Variants in EYS observed in about 807,000 individuals in gnomAD.
The protein encoded by EYS is EGF-like photoreceptor maintenance factor, also known as protein eyes shut homolog.
EYS carries 250 observed loss-of-function variants against 282.1 expected under a neutral mutation model. That is an observed-to-expected ratio of 0.89 (90% CI 0.80 to 0.98). EYS has a LOEUF of 0.98. EYS is among the 50% of genes least tolerant of loss of function. EYS has a pLI of 0.00. For synonymous variants in EYS, 1,355 were observed against 1,282.9 expected (o/e 1.06, Z -1.20); for missense variants, 4,016 against 3,709.0 (o/e 1.08, Z -2.15).
At chr6:64,652,091 T>G (rs1768583427) in intron 22 of EYS, among the ~76,000 whole-genome samples, 1 of 152,208 alleles carries the variant, frequency 6.6e-6, no homozygotes, top group Non-Finnish European at 1.5e-5. Flanking sequence ...GAACTTATTT[T>G]AGGACAGTTA....
intron 22 of EYS, among the ~76,000 whole-genome samples, chr6:64,679,183 T>G (rs1330812492): frequency 1.2e-5 from 1 of 82,854 alleles, no homozygotes; most frequent in Admixed American, 1.7e-4. Context: ...TTCTGGTTTA[T>G]CGTTCTGATG....
intron 22 of EYS, among the ~76,000 whole-genome samples, chr6:64,706,657 C>T (rs567770901): frequency 5.6e-4 from 85 of 151,982 alleles, no homozygotes; most frequent in Admixed American, 4.3e-3. Context: ...GCTAAGGACA[C>T]GAATAGACAA....
intron 33 of EYS, among the ~76,000 whole-genome samples, chr6:64,019,069 C>T (rs1769047465): frequency 6.6e-6 from 1 of 152,018 alleles, no homozygotes; most frequent in African/African-American, 2.4e-5. Context: ...GCCACCATGC[C>T]CGGCTCACAA....
At chr6:65,079,668 A>G (rs149228490) in intron 12 of EYS, among the ~76,000 whole-genome samples, 216 of 152,200 alleles carry the variant, frequency 1.4e-3, no homozygotes, top group Middle Eastern at 0.01. Context: ...GGCTCGCGTA[A>G]TGTTTTTATT....
intron 26 of EYS, among the ~76,000 whole-genome samples, chr6:64,516,134 G>T (rs1490417431): frequency 6.6e-6 from 1 of 151,700 alleles, no homozygotes; most frequent in African/African-American, 2.4e-5. Flanking sequence ...GACACATAGA[G>T]GGGGAACAAC....
At chr6:65,683,356 C>T (rs913800774) in intron 1 of EYS, among the ~76,000 whole-genome samples, 2 of 147,584 alleles carry the variant, frequency 1.4e-5, no homozygotes, top group South Asian at 4.3e-4. Flanking sequence ...TAGGTTACTC[C>T]AGCAATGAAA....
At position 65,295,949 on chromosome 6, in the gene EYS, T is replaced by G. The variant is rs780527503; in HGVS notation, c.1937A>C (p.Asp646Ala). The stretch of plus-strand genomic sequence containing the variant: ...ATTTTTGCAGGACGCAGATTTGCAG[T>G]CTTCAGTATCTATCTCACAGATGTT... Reference protein sequence around the residue: ...ERNICEIDTEDCKSASCKNGT... With the variant: ...ERNICEIDTEACKSASCKNGT... The change falls in exon 12 of 43, where the codon GAC (aspartate) becomes GCC (alanine). Residue 646 changes from aspartate (D) to alanine (A), a missense_variant. Physicochemically the swap from Asp to Ala is moderately radical, Grantham distance 126 (BLOSUM62 -2). Transcript: ENST00000503581. 7.1e-6 allele frequency: 11 copies of G among 1,551,136 alleles called. No individual in the cohort carries two copies. The East Asian group carries it at 1.2e-4, about 17-fold the overall frequency.
rs558625186 is a variant in EYS, at chr6:64,048,066, C to T, written c.6725+18272G>A. The stretch of plus-strand genomic sequence containing the variant: ...GATTGCAGATGCATGCCATCATGCC[C>T]GGCTAATTTTTGTATTTTTGGTAGA... On this transcript the variant is annotated intron_variant, in intron 33 of 42. Transcript: ENST00000503581. 5.3e-5 allele frequency among the ~76,000 whole-genome samples: 8 copies of T among 152,086 alleles called. No individual in the cohort carries two copies. In the East Asian group the frequency reaches 1.2e-3, roughly 22 times the overall value.
At chr6:65,194,117 A>G (rs1431376900) in intron 12 of EYS, among the ~76,000 whole-genome samples, 3 of 151,982 alleles carry the variant, frequency 2.0e-5, no homozygotes, top group African/African-American at 7.2e-5. Context: ...CTAAATAAAA[A>G]TAAATTCCTG....
intron 13 of EYS, among the ~76,000 whole-genome samples, chr6:65,012,922 G>C (rs1771925693): frequency 6.6e-6 from 1 of 151,080 alleles, no homozygotes; most frequent in East Asian, 1.9e-4. Context: ...GCAATGCTTA[G>C]TAGTATAGAG....
chr6:65,253,998 A>G (rs1282658923), intron 12 of EYS, among the ~76,000 whole-genome samples: 1 of 151,870 alleles, frequency 6.6e-6, no homozygotes, highest in African/African-American at 2.4e-5. Flanking sequence ...AGGAAGCTTA[A>G]AAGTGCTTTA....
At position 64,534,213 on chromosome 6, in the gene EYS, G is replaced by A. The variant is rs897057519; in HGVS notation, c.5644+56010C>T. The stretch of plus-strand genomic sequence containing the variant: ...TTAAAAATAAAAATTGAATGCATAC[G>A]AATTTAGCATGATGACCATATTTAT... On this transcript the variant is annotated intron_variant, in intron 26 of 42. Transcript: ENST00000503581. Among the ~76,000 whole-genome samples, 43 of 151,646 alleles carry A rather than the reference G, an allele frequency of 2.8e-4. 1 individual carries two copies. The South Asian group carries it at 4.2e-3, about 15-fold the overall frequency.
intron 41 of EYS, among the ~76,000 whole-genome samples, chr6:63,756,768 T>C (rs1769495821): frequency 6.6e-6 from 1 of 152,174 alleles, no homozygotes; most frequent in African/African-American, 2.4e-5. Flanking sequence ...CCCAAATTAA[T>C]ATTTTTATAA....
At chr6:64,326,269 T>C (rs967206996) in intron 29 of EYS, among the ~76,000 whole-genome samples, 3 of 152,136 alleles carry the variant, frequency 2.0e-5, no homozygotes, top group African/African-American at 7.2e-5. Flanking sequence ...GGACCTCATC[T>C]ATACTCCTCA....
At chr6:65,293,820 T>A (rs558263894) in intron 12 of EYS, among the ~76,000 whole-genome samples, 4 of 151,868 alleles carry the variant, frequency 2.6e-5, no homozygotes, top group Non-Finnish European at 5.9e-5. Flanking sequence ...GAGACTGACA[T>A]TTAATCTGGA....
chr6:64,440,389 AT>A (rs200021674), intron 26 of EYS, among the ~76,000 whole-genome samples: 1 of 151,950 alleles, frequency 6.6e-6, no homozygotes. Flanking sequence ...CCTCAAATTA[AT>A]TTTTTTCACT....
chr6:64,949,289 T>C (rs893688996), intron 14 of EYS, among the ~76,000 whole-genome samples: 14 of 152,040 alleles, frequency 9.2e-5, no homozygotes, highest in African/African-American at 3.4e-4. Context: ...AATCAAGGTA[T>C]TGACTGGGAT....
chr6:64,614,105 T>G (rs897817658), intron 24 of EYS, among the ~76,000 whole-genome samples: 1 of 152,080 alleles, frequency 6.6e-6, no homozygotes, highest in Admixed American at 6.6e-5. Flanking sequence ...TACACCTTAC[T>G]GCCATATCAA....
At chr6:65,466,391 A>C (rs1398507024) in intron 5 of EYS, among the ~76,000 whole-genome samples, 4 of 152,194 alleles carry the variant, frequency 2.6e-5, no homozygotes, top group African/African-American at 9.6e-5. Flanking sequence ...TCAAAATAAA[A>C]TATAATATGT....
Sources: gnomAD v4.1 joint callset for allele counts (sites outside exome capture counted in the v4.1 genomes callset) on GRCh38, gnomAD v4.1.1 for gene constraint, MANE v1.5 for transcripts, NCBI Gene and HGNC (gene_info 2026-07-23, HGNC 2026-07-21) for gene names.